The following SENP1 variants were observed in gnomAD, a reference collection of about 807,000 sequenced individuals.
The protein encoded by SENP1 is sentrin-specific protease 1.
In SENP1, 21 loss-of-function variants were observed where a neutral mutation model predicts 93.0. The observed-to-expected ratio is 0.23, with a 90% CI of 0.16 to 0.33. The LOEUF is 0.33. Ranked by LOEUF, SENP1 falls within the 10% of genes least tolerant of loss-of-function variation. The pLI, the probability that SENP1 is intolerant of heterozygous loss-of-function variation, is 1.00. For missense variants in SENP1, 591 were observed against 758.7 expected (o/e 0.78, Z 2.60); for synonymous variants, 256 against 259.6 (o/e 0.99, Z 0.13).
chr12:48,063,819 T>C lies in SENP1; in HGVS notation c.1298A>G (p.Asn433Ser), dbSNP rs746733007. The C allele has an allele frequency of 6.2e-7, 1 of 1,611,402 alleles. No individual in the cohort carries two copies. The highest frequency in any genetic ancestry group is 1.1e-5 in the South Asian group (1 of 90,932). The change falls in exon 13 of 18, where the codon AAT becomes AGT. Residue 433 changes from asparagine to serine, a missense_variant. This residue lies in a region of SENP1 where 238 missense variants were observed against 259.1 expected (regional missense o/e 0.92). Coordinates refer to ENST00000549518, the MANE Select transcript of SENP1 (RefSeq NM_001267594.2). Reference protein sequence around the residue: ...ITEEMEKEIKNVFRNGNQDEV... With the variant: ...ITEEMEKEIKSVFRNGNQDEV... ...ATCCTGATTCCCATTACGAAATACA[T>C]TCTTTATTTCTTTCTCCATTTCCTA...
intron 2 of SENP1, among the ~76,000 whole-genome samples, chr12:48,100,992 G>T (rs1419490260): frequency 6.6e-6 from 1 of 152,182 alleles, no homozygotes; most frequent in Non-Finnish European, 1.5e-5. Flanking sequence ...CTAACCAAAA[G>T]ATAATTATGT....
chr12:48,099,445 G>A (rs1945776605), intron 2 of SENP1, among the ~76,000 whole-genome samples: 1 of 152,092 alleles, frequency 6.6e-6, no homozygotes, highest in African/African-American at 2.4e-5. Flanking sequence ...AAAATTGGGG[G>A]AAAAAATTCA....
At chr12:48,049,223 T>C in intron 13 of SENP1, 91 bp from the exon 14 acceptor site, 1 of 906,928 alleles carries the variant, frequency 1.1e-6, no homozygotes, top group East Asian at 2.4e-5. Context: ...CATATGTAAT[T>C]GTTTCCTAAT....
intron 9 of SENP1, among the ~76,000 whole-genome samples, chr12:48,069,957 A>G (rs1943569421): frequency 6.6e-6 from 1 of 152,226 alleles, no homozygotes; most frequent in Non-Finnish European, 1.5e-5. Context: ...AACTGATATT[A>G]TTCTCATCCT....
rs1212558231 is a variant in SENP1, at chr12:48,063,272, G to A, written c.1407+438C>T. ...GGCGATTTTGGAAAGCTTGTCATTCGTAATATAAGTGATCTAAAATGAGTA... is the reference window on the plus strand; with the variant it reads ...GGCGATTTTGGAAAGCTTGTCATTCATAATATAAGTGATCTAAAATGAGTA... On this transcript the variant is annotated intron_variant, in intron 13 of 17. Transcript: ENST00000549518. 7.2e-5 allele frequency among the ~76,000 whole-genome samples: 11 copies of A among 152,086 alleles called. No individual in the cohort carries two copies. The East Asian group carries it at 1.3e-3, about 19-fold the overall frequency.
At chr12:48,094,050 C>T (rs983708519) in intron 4 of SENP1, among the ~76,000 whole-genome samples, 1 of 152,054 alleles carries the variant, frequency 6.6e-6, no homozygotes, top group East Asian at 1.9e-4. Context: ...CACAGATAAT[C>T]GGAAGAGATC....
chr12:48,089,501 A>G (rs56821073), intron 4 of SENP1, among the ~76,000 whole-genome samples: 1,640 of 152,342 alleles, frequency 0.011, 35 homozygotes, highest in African/African-American at 0.037. Flanking sequence ...GGAATGACCC[A>G]TCATATATAT....
rs751860069 is a variant in SENP1, at chr12:48,065,026, G to C, written c.1275+39C>G. On this transcript the variant is annotated intron_variant, in intron 12 of 17. Coordinates refer to ENST00000549518, the MANE Select transcript of SENP1 (RefSeq NM_001267594.2). ...CATCCGAGGGATTCTTTCTAAACATGATACTTAGTAGTGTAGAAATTAAGT... is the reference window on the plus strand; with the variant it reads ...CATCCGAGGGATTCTTTCTAAACATCATACTTAGTAGTGTAGAAATTAAGT... The C allele has an allele frequency of 3.6e-6, 5 of 1,377,940 alleles. No individual in the cohort carries two copies. The Admixed American group carries it at 8.8e-5, about 24-fold the overall frequency. 85.4% of individuals were successfully genotyped at this position (1,377,940 alleles called of 1,614,324 possible).
chr12:48,065,446 C>G, intron 11 of SENP1, 150 bp downstream of exon 11: 1 of 641,680 alleles, frequency 1.6e-6, no homozygotes, highest in Non-Finnish European at 2.7e-6. Flanking sequence ...CTGGACAGAC[C>G]AAGAACATTT....
At chr12:48,071,833 A>G in intron 8 of SENP1, 112 bp from the exon 9 acceptor site, 1 of 694,354 alleles carries the variant, frequency 1.4e-6, no homozygotes, top group Non-Finnish European at 2.4e-6. Flanking sequence ...CACAAAAATA[A>G]CATAAGAACA....
intron 1 of SENP1, among the ~76,000 whole-genome samples, chr12:48,104,256 CGGGGGGGGGGG>C (rs200509863): frequency 4.7e-5 from 1 of 21,484 alleles, no homozygotes; most frequent in Non-Finnish European, 1.1e-4. Context: ...GAGAGAGAGA[CGGGGGGGGGGG>C]GGGGGGCGGA....
chr12:48,048,615 ACAGT>A (rs1328273013), intron 14 of SENP1, among the ~76,000 whole-genome samples: 2 of 152,226 alleles, frequency 1.3e-5, no homozygotes, highest in African/African-American at 4.8e-5. Context: ...GCTGAAAATA[ACAGT>A]CACAGAATCT....
At chr12:48,094,419 C>T (rs916026866) in intron 4 of SENP1, among the ~76,000 whole-genome samples, 1 of 152,030 alleles carries the variant, frequency 6.6e-6, no homozygotes, top group Admixed American at 6.5e-5. Context: ...GTGGCTCATG[C>T]CTGTAATCCC....
intron 9 of SENP1, 40 bp downstream of exon 9, chr12:48,071,626 AT>A: frequency 7.2e-7 from 1 of 1,380,232 alleles, no homozygotes; most frequent in Non-Finnish European, 1.0e-6. Context: ...AAAAAGATAT[AT>A]TAATTAATTA....
rs1031224631 is a variant in SENP1 at position 48,063,596 on chromosome 12, T to C, written c.1407+114A>G. The C allele has an allele frequency of 7.0e-6, 7 of 1,007,020 alleles. No individual in the cohort carries two copies. The Admixed American group carries it at 1.7e-4, about 25-fold the overall frequency. The allele number at this position is 1,007,020 out of a possible 1,614,324, so 62.4% of individuals were successfully genotyped here. On this transcript the variant is annotated intron_variant, in intron 13 of 17. Coordinates refer to ENST00000549518, the MANE Select transcript of SENP1 (RefSeq NM_001267594.2). ...CAAGAATGAAGAGGCCTATGAGAGA[T>C]GATTCCAATGCAGGTCATCCATGGA...
At chr12:48,103,672 TA>T (rs56153267) in intron 1 of SENP1, among the ~76,000 whole-genome samples, 117,507 of 151,994 alleles carry the variant, frequency 0.77, 46,097 homozygotes, top group Middle Eastern at 0.86. Context: ...GTTTTCTTTT[TA>T]AAAAAAATGA....
chr12:48,065,280 A>G, intron 11 of SENP1, 60 bp from the exon 12 acceptor site: 1 of 1,320,052 alleles, frequency 7.6e-7, no homozygotes, highest in Non-Finnish European at 1.0e-6. Context: ...TCCTTGATTT[A>G]TGATAGGGTT....
At chr12:48,071,809 C>T (rs1005269547) in intron 8 of SENP1, 88 bp from the exon 9 acceptor site, 3 of 860,316 alleles carry the variant, frequency 3.5e-6, no homozygotes, top group Admixed American at 4.8e-5. Context: ...CCATACTTTG[C>T]TATATTTTAT....
intron 2 of SENP1, among the ~76,000 whole-genome samples, chr12:48,099,849 A>G (rs1328206287): frequency 6.6e-6 from 1 of 152,222 alleles, no homozygotes; most frequent in Non-Finnish European, 1.5e-5. Context: ...TTTTAAAAGC[A>G]TAATTTTATT....
Sources: gnomAD v4.1 joint callset for allele counts (sites outside exome capture counted in the v4.1 genomes callset) on GRCh38, gnomAD v4.1.1 for gene constraint, gnomAD v4.1.1 regional missense constraint, MANE v1.5 for transcripts, NCBI Gene and HGNC (gene_info 2026-07-23, HGNC 2026-07-21) for gene names.